Variants in POLI observed in about 807,000 individuals in gnomAD.
The protein encoded by POLI is DNA polymerase iota.
POLI carries 58 observed loss-of-function variants against 51.6 expected under a neutral mutation model. That is an observed-to-expected ratio of 1.12 (90% CI 0.91 to 1.40). POLI has a LOEUF of 1.40. POLI is among the 40% of genes most tolerant of loss of function. POLI has a pLI of 0.00. For missense variants in POLI, 921 were observed against 871.3 expected (o/e 1.06, Z -0.72); for synonymous variants, 322 against 299.7 (o/e 1.07, Z -0.77).
At chr18:54,300,781 A>C (rs1906759222), downstream of POLI, among the ~76,000 whole-genome samples, 1 of 152,232 alleles carries the variant, frequency 6.6e-6, no homozygotes, top group Non-Finnish European at 1.5e-5. Context: ...ACACGAGTCT[A>C]ACATTAATCA....
Position 54,269,607 on chromosome 18 carries a change from G to GTT in POLI, c.61_62insTT (p.Ala21ValfsTer36). 2.7e-6 allele frequency: 4 copies of GTT among 1,505,150 alleles called. No homozygotes were observed. Among genetic ancestry groups the GTT allele is most frequent in the Non-Finnish European group, 3.5e-6 (4 of 1,131,096 alleles). 93.2% of individuals were successfully genotyped at this position (1,505,150 alleles called of 1,614,324 possible). A position where few individuals can be genotyped will look rare whatever the true frequency, so the allele number is the denominator to read the frequency against. On this transcript the variant is annotated frameshift_variant, in exon 1 of 10. Coordinates refer to ENST00000579534, the MANE Select transcript of POLI (RefSeq NM_007195.3). LOFTEE classifies it high-confidence loss of function. Reference sequence around the variant, plus strand: ...CGGCGGCGACGACGACGAGGAAGACGCCGAGGCCTGGGCCATGGAACTGGC... The same window carrying GTT: ...CGGCGGCGACGACGACGAGGAAGACGTTCCGAGGCCTGGGCCATGGAACTGGC...
intron 3 of POLI, among the ~76,000 whole-genome samples, chr18:54,305,758 T>C (rs1233403678): frequency 6.6e-6 from 1 of 152,106 alleles, no homozygotes; most frequent in African/African-American, 2.4e-5. Flanking sequence ...TATTTCTTTT[T>C]TTTTTTAATT....
rs376698597 is a variant in POLI at position 54,308,556 on chromosome 18, T to C, written c.334-11717T>C. ...AACTTTGGTGAATCTGACAATTATGTGTCTTGGGGTTGCTCTTCTCGAGGA... is the reference window on the plus strand; with the variant it reads ...AACTTTGGTGAATCTGACAATTATGCGTCTTGGGGTTGCTCTTCTCGAGGA... On this transcript the variant is annotated intron_variant, in intron 3 of 4. Transcript: ENST00000579823. Among the ~76,000 whole-genome samples the C allele has an allele frequency of 2.1e-3, 310 of 148,768 alleles. 4 individuals are homozygous for C. In the South Asian group the frequency reaches 0.031, roughly 15 times the overall value.
At chr18:54,291,147 GT>G (rs1295906640) in intron 8 of POLI, among the ~76,000 whole-genome samples, 1 of 152,176 alleles carries the variant, frequency 6.6e-6, no homozygotes, top group African/African-American at 2.4e-5. Flanking sequence ...AACTAGGGTT[GT>G]ACGGGGAGCC....
At chr18:54,275,901 GTATT>G (rs1354212101) in intron 3 of POLI, among the ~76,000 whole-genome samples, 1 of 151,854 alleles carries the variant, frequency 6.6e-6, no homozygotes, top group Non-Finnish European at 1.5e-5. Context: ...GTCCTTTACT[GTATT>G]TATCTCTGAT....
chr18:54,282,069 C>G (rs1405916588), intron 5 of POLI, among the ~76,000 whole-genome samples: 1 of 152,004 alleles, frequency 6.6e-6, no homozygotes, highest in Non-Finnish European at 1.5e-5. Context: ...TAGTTGTATT[C>G]TGGATGGTAA....
In POLI at chr18:54,295,411, A is replaced by C. The variant is rs2088272854; in HGVS notation, c.*944A>C. 3.1e-6 allele frequency: 3 copies of C among 977,164 alleles called. No individual in the cohort carries two copies. Among genetic ancestry groups the C allele is most frequent in the South Asian group, 9.5e-5 (2 of 21,114 alleles). 60.5% of individuals were successfully genotyped at this position (977,164 alleles called of 1,614,324 possible). A position where few individuals can be genotyped will look rare whatever the true frequency, so the allele number is the denominator to read the frequency against. On this transcript the variant is annotated 3_prime_UTR_variant, in exon 10 of 10. Transcript: ENST00000579534. ...TTTTGCCTGCTAAACTAAAAATTGG[A>C]TATAAGATTGAGAATGTATTATATA...
At position 54,280,904 on chromosome 18, in the gene POLI, G is replaced by T; in HGVS notation, c.796+1G>T. Reference sequence around the variant, plus strand: ...TTGAATCACATAAAGGAAATACCTGGTAAGACAAATATATTTGAAAAGTAC... The same window carrying T: ...TTGAATCACATAAAGGAAATACCTGTTAAGACAAATATATTTGAAAAGTAC... On this transcript the variant is annotated splice_donor_variant, in intron 5 of 9. Transcript: ENST00000579534. LOFTEE classifies it high-confidence loss of function. The T allele has an allele frequency of 1.4e-6, 2 of 1,479,184 alleles. No individual in the cohort carries two copies. Among genetic ancestry groups the T allele is most frequent in the Non-Finnish European group, 1.9e-6 (2 of 1,058,100 alleles). 91.6% of individuals were successfully genotyped at this position (1,479,184 alleles called of 1,614,324 possible).
At position 54,296,930 on chromosome 18, in the gene POLI, T is replaced by C; in HGVS notation, c.*2463T>C. 1.0e-6 allele frequency: 1 copy of C among 970,450 alleles called. No individual in the cohort carries two copies. Among genetic ancestry groups the C allele is most frequent in the Non-Finnish European group, 1.2e-6 (1 of 816,330 alleles). 60.1% of individuals were successfully genotyped at this position (970,450 alleles called of 1,614,324 possible). ...ATAAGTCTACATTTAAGGTTATTAT[T>C]GCATATCATTGTGACTTATTTCCTT... is the stretch of plus-strand genomic sequence containing the variant. On this transcript the variant is annotated 3_prime_UTR_variant, in exon 10 of 10. Transcript: ENST00000579534.
intron 3 of POLI, among the ~76,000 whole-genome samples, chr18:54,304,476 C>T (rs1482369893): frequency 1.3e-5 from 2 of 152,206 alleles, no homozygotes; most frequent in Non-Finnish European, 2.9e-5. Context: ...GATGGTATCT[C>T]ATTGTGGTTT....
Position 54,280,836 on chromosome 18 carries a change from A to G in POLI, c.729A>G (p.Gln243=), listed in dbSNP as rs774897931. Residue 243 remains glutamine (Q), a synonymous_variant, in exon 5 of 10, where the codon CAA becomes CAG. Coordinates refer to ENST00000579534, the MANE Select transcript of POLI (RefSeq NM_007195.3). ...CTGGTGTCTTTAAACCAAATCAACA[A>G]ACAGTCTTATTACCTGAAAGTTGTC... ...LVSGVFKPNQ[Q]TVLLPESCQH... is the part of the protein sequence containing the mutation. 1.9e-5 allele frequency: 30 copies of G among 1,613,634 alleles called. No homozygotes were observed. Among genetic ancestry groups the G allele is most frequent in the Non-Finnish European group, 2.5e-5 (29 of 1,179,702 alleles).
downstream of POLI, among the ~76,000 whole-genome samples, chr18:54,302,466 A>G (rs532115306): frequency 6.6e-6 from 1 of 152,160 alleles, no homozygotes; most frequent in Non-Finnish European, 1.5e-5. Context: ...TAATTTCTCA[A>G]TGTTTTTAGT....
rs1165497832 is a variant in POLI at position 54,298,138 on chromosome 18, G to A, written c.*3671G>A. On this transcript the variant is annotated 3_prime_UTR_variant, in exon 10 of 10. Coordinates refer to ENST00000579534, the MANE Select transcript of POLI (RefSeq NM_007195.3). The stretch of plus-strand genomic sequence containing the variant: ...TAAAAAAACTTCTATTTTAAAATCT[G>A]TATATAGAAAGGTACATAAACATAA... The A allele has an allele frequency of 1.0e-5, 8 of 777,764 alleles. No individual in the cohort carries two copies. Among genetic ancestry groups the A allele is most frequent in the Non-Finnish European group, 1.2e-5 (8 of 640,702 alleles). 48.2% of individuals were successfully genotyped at this position (777,764 alleles called of 1,614,324 possible).
At chr18:54,315,392 G>A (rs2088720922) in intron 3 of POLI, among the ~76,000 whole-genome samples, 1 of 151,972 alleles carries the variant, frequency 6.6e-6, no homozygotes, top group Non-Finnish European at 1.5e-5. Flanking sequence ...GTATGTGGTT[G>A]ATCTTAGAGT....
At chr18:54,282,754 A>T in intron 5 of POLI, 83 bp from the exon 6 acceptor site, 1 of 744,218 alleles carries the variant, frequency 1.3e-6, no homozygotes, top group Non-Finnish European at 2.1e-6. Context: ...TAAAGATAAG[A>T]TTGATATATT....
chr18:54,312,569 C>T (rs889090764), intron 3 of POLI, among the ~76,000 whole-genome samples: 1 of 152,148 alleles, frequency 6.6e-6, no homozygotes, highest in African/African-American at 2.4e-5. Context: ...TTTACATTCT[C>T]ACCAACAGTG....
chr18:54,287,936 T>A (rs3730779), intron 8 of POLI, among the ~76,000 whole-genome samples: 1 of 152,228 alleles, frequency 6.6e-6, no homozygotes, highest in East Asian at 1.9e-4. Context: ...CTGTGATAAC[T>A]GTATAGCATG....
At chr18:54,301,487 T>A (rs896737314), downstream of POLI, among the ~76,000 whole-genome samples, 2 of 152,190 alleles carry the variant, frequency 1.3e-5, no homozygotes, top group South Asian at 2.1e-4. Flanking sequence ...TTCAACTTCA[T>A]AATGGTGCAA....
rs937914862 is a variant in POLI at position 54,296,461 on chromosome 18, T to G, written c.*1994T>G. On this transcript the variant is annotated 3_prime_UTR_variant, in exon 10 of 10. Transcript: ENST00000579534. ...TCTTTTTTCTTTGGTGCTTTGCAGG[T>G]TTACTGTATTATTTGGAAGTGCGAA... 16 of 699,896 alleles carry G rather than the reference T, an allele frequency of 2.3e-5. No homozygotes were observed. Among genetic ancestry groups the G allele is most frequent in the Non-Finnish European group, 2.8e-5 (16 of 569,612 alleles). The allele number at this position is 699,896 out of a possible 1,614,324, so 43.4% of individuals were successfully genotyped here.
Sources: gnomAD v4.1 joint callset for allele counts (sites outside exome capture counted in the v4.1 genomes callset) on GRCh38, gnomAD v4.1.1 for gene constraint, MANE v1.5 for transcripts, NCBI Gene and HGNC (gene_info 2026-07-23, HGNC 2026-07-21) for gene names.